VIT: variants seen among roughly 807,000 people sequenced by gnomAD.
The protein encoded by VIT is vitrin.
Under a neutral mutation model 78.0 loss-of-function variants are expected in VIT, and 99 were observed. The observed-to-expected ratio is 1.27, with a 90% CI of 1.08 to 1.50. The LOEUF (loss-of-function observed/expected upper bound fraction) is 1.50, where lower values mean the gene tolerates loss of function less well. Among genes scored for constraint, VIT ranks in the 40% most tolerant of loss-of-function variants. The pLI, the probability that VIT is intolerant of heterozygous loss-of-function variation, is 0.00. For synonymous variants in VIT, 374 were observed against 334.3 expected (o/e 1.12, Z -1.29); for missense variants, 1,126 against 875.3 (o/e 1.29, Z -3.61).
In VIT at chr2:36,787,277, G is replaced by A. The variant is rs1326383374; in HGVS notation, c.1058+1G>A. Reference sequence around the variant, plus strand: ...CACTGATGGGTGTTGTCCAGTATGGGTAAGTGCAGTTAATGTTCTGAATCC... The same window carrying A: ...CACTGATGGGTGTTGTCCAGTATGGATAAGTGCAGTTAATGTTCTGAATCC... On this transcript the variant is annotated splice_donor_variant, in intron 12 of 15. Coordinates refer to ENST00000379242, the MANE Select transcript of VIT (RefSeq NM_053276.4). LOFTEE classifies it high-confidence loss of function. The A allele has an allele frequency of 3.7e-6, 6 of 1,611,664 alleles. 1 individual carries two copies. The highest frequency in any genetic ancestry group is 3.4e-6 in the Non-Finnish European group (4 of 1,178,588).
In VIT at chr2:36,793,286, CAT is replaced by C. The variant is rs562013109; in HGVS notation, c.1058+6012_1058+6013del. Among the ~76,000 whole-genome samples, 647 of 152,134 alleles carry C rather than the reference CAT, an allele frequency of 4.3e-3. 3 individuals are homozygous for C. The highest frequency in any genetic ancestry group is 8.0e-3 in the Non-Finnish European group (546 of 68,014). Reference sequence around the variant, plus strand: ...CTTTTTGGTAGATGAGTGGAATTCTCATAGTTATTGCAGAAAAAAAAACCCCA... The same window carrying C: ...CTTTTTGGTAGATGAGTGGAATTCTCAGTTATTGCAGAAAAAAAAACCCCA... On this transcript the variant is annotated intron_variant, in intron 12 of 15. Coordinates refer to ENST00000379242, the MANE Select transcript of VIT (RefSeq NM_053276.4).
At chr2:36,794,008 T>A (rs1228393363) in intron 12 of VIT, among the ~76,000 whole-genome samples, 1 of 152,214 alleles carries the variant, frequency 6.6e-6, no homozygotes, top group African/African-American at 2.4e-5. Context: ...GTAAGTGCCT[T>A]AGGTGAGTTT....
At chr2:36,706,503 G>T (rs1665430663) in intron 1 of VIT, among the ~76,000 whole-genome samples, 1 of 152,086 alleles carries the variant, frequency 6.6e-6, no homozygotes, top group African/African-American at 2.4e-5. Flanking sequence ...TTCTCCCCCT[G>T]CTCCTCCCAG....
At chr2:36,780,958 C>CA (rs1374987437) in intron 9 of VIT, among the ~76,000 whole-genome samples, 2 of 151,970 alleles carry the variant, frequency 1.3e-5, no homozygotes, top group African/African-American at 2.4e-5. Flanking sequence ...CATGATTTTC[C>CA]AAAAAAGATC....
intron 6 of VIT, among the ~76,000 whole-genome samples, chr2:36,764,731 G>T (rs1169863363): frequency 1.3e-5 from 2 of 152,190 alleles, no homozygotes; most frequent in Non-Finnish European, 2.9e-5. Context: ...TCAGTGCTGT[G>T]ATTCCTGCAA....
At chr2:36,805,905 T>A (rs532114114) in intron 14 of VIT, among the ~76,000 whole-genome samples, 341 of 152,206 alleles carry the variant, frequency 2.2e-3, no homozygotes, top group African/African-American at 7.6e-3. Flanking sequence ...AGGTTCTTCC[T>A]TGCTCCTTCC....
intron 12 of VIT, chr2:36,788,168 G>C (rs954434252): frequency 5.3e-6 from 1 of 188,220 alleles, no homozygotes; most frequent in African/African-American, 2.4e-5. Context: ...GGGTGTGGAA[G>C]GGGTGACGGA....
chr2:36,704,228 A>C (rs12988075), intron 1 of VIT, among the ~76,000 whole-genome samples: 125,178 of 151,996 alleles, frequency 0.82, 52,091 homozygotes, highest in Middle Eastern at 0.93. Flanking sequence ...TCCTGGCCAG[A>C]TTGGGCAGTT....
Position 36,814,458 on chromosome 2 carries a change from T to C in VIT, c.*97T>C. On this transcript the variant is annotated 3_prime_UTR_variant, in exon 16 of 16. Transcript: ENST00000379242. ...GGGGCACGCACGGTGCATCAAGTCTTGGGCAGGGCATGGAGAAACAAATGT... is the reference window on the plus strand; with the variant it reads ...GGGGCACGCACGGTGCATCAAGTCTCGGGCAGGGCATGGAGAAACAAATGT... 1 of 1,416,350 alleles carries C rather than the reference T, an allele frequency of 7.1e-7. No individual in the cohort carries two copies. The highest frequency in any genetic ancestry group is 9.6e-7 in the Non-Finnish European group (1 of 1,044,410). The allele number at this position is 1,416,350 out of a possible 1,614,324, so 87.7% of individuals were successfully genotyped here. A position where few individuals can be genotyped will look rare whatever the true frequency, so the allele number is the denominator to read the frequency against.
chr2:36,781,674 C>T, intron 9 of VIT, 53 bp from the exon 10 acceptor site: 1 of 1,595,110 alleles, frequency 6.3e-7, no homozygotes, highest in Non-Finnish European at 8.6e-7. Context: ...TCAAGAGTTT[C>T]TGCTGGTTTG....
intron 9 of VIT, 108 bp from the exon 10 acceptor site, chr2:36,781,619 A>C (rs997985810): frequency 7.9e-7 from 1 of 1,268,068 alleles, no homozygotes; most frequent in Non-Finnish European, 1.1e-6. Flanking sequence ...TCCTTTATTG[A>C]ACTTTCAGAC....
chr2:36,786,797 G>C (rs1170910643), intron 11 of VIT, among the ~76,000 whole-genome samples: 2 of 152,196 alleles, frequency 1.3e-5, no homozygotes, highest in African/African-American at 4.8e-5. Flanking sequence ...TCTCACAACG[G>C]GGAGTCTGCA....
Position 36,767,114 on chromosome 2 carries a change from C to T in VIT, c.508C>T (p.Gln170Ter), listed in dbSNP as rs1435216779. 1.2e-6 allele frequency: 2 copies of T among 1,603,158 alleles called. No homozygotes were observed. The highest frequency in any genetic ancestry group is 4.5e-5 in the East Asian group (2 of 44,260). The change falls in exon 7 of 16, where the codon CAG becomes TAG. Residue 170 changes from glutamine (Q) to a stop codon, truncating the protein, a stop_gained. Coordinates refer to ENST00000379242, the MANE Select transcript of VIT (RefSeq NM_053276.4). LOFTEE classifies it high-confidence loss of function. The part of the protein sequence containing the change: ...AQAGETTKAY[Q>*]RPPIPGTTAQ... The stretch of plus-strand genomic sequence containing the variant: ...TACAGGTGAGACCACAAAAGCCTAT[C>T]AGAGGCCACCTATTCCAGGGACAAC...
intron 1 of VIT, among the ~76,000 whole-genome samples, chr2:36,713,584 A>G (rs571752461): frequency 1.3e-5 from 2 of 152,324 alleles, no homozygotes; most frequent in South Asian, 4.2e-4. Context: ...GAAGAAGGGA[A>G]CAGCCTAGTT....
At position 36,808,580 on chromosome 2, in the gene VIT, G is replaced by T. The variant is rs1050448848; in HGVS notation, c.1498G>T (p.Ala500Ser). The T allele has an allele frequency of 2.5e-6, 4 of 1,614,154 alleles. No individual in the cohort carries two copies. The highest frequency in any genetic ancestry group is 3.4e-6 in the Non-Finnish European group (4 of 1,180,046). The change falls in exon 15 of 16, where the codon GCC (alanine) becomes TCC (serine). Residue 500 changes from alanine (A) to serine (S), a missense_variant. Physicochemically the swap from Ala to Ser is moderately conservative, Grantham distance 99 (BLOSUM62 1). Coordinates refer to ENST00000379242, the MANE Select transcript of VIT (RefSeq NM_053276.4). ...VKRVCDTDRL[A>S]CSKTCLNSAD... is the part of the protein sequence containing the mutation. ...GCGGGTCTGCGACACTGACCGCCTG[G>T]CCTGCAGCAAGACCTGCTTGAACTC...
intron 1 of VIT, among the ~76,000 whole-genome samples, chr2:36,702,902 C>T (rs190720601): frequency 5.3e-5 from 8 of 152,312 alleles, no homozygotes; most frequent in African/African-American, 2.4e-5. Context: ...CTCCCTCAGC[C>T]CTTGGGCAAC....
chr2:36,783,597 G>A (rs1309971969), intron 11 of VIT, among the ~76,000 whole-genome samples, 195 bp downstream of exon 11: 1 of 152,230 alleles, frequency 6.6e-6, no homozygotes, highest in Non-Finnish European at 1.5e-5. Flanking sequence ...ATGAGGGGGA[G>A]AGGATCAAAA....
chr2:36,776,723 A>G (rs1239643794), intron 9 of VIT, among the ~76,000 whole-genome samples: 1 of 151,986 alleles, frequency 6.6e-6, no homozygotes, highest in African/African-American at 2.4e-5. Flanking sequence ...TAAACCTGGG[A>G]GGCCGAGGGT....
At chr2:36,715,297 T>C (rs1270710244) in intron 1 of VIT, among the ~76,000 whole-genome samples, 1 of 152,110 alleles carries the variant, frequency 6.6e-6, no homozygotes, top group Non-Finnish European at 1.5e-5. Flanking sequence ...TCCAGCACTT[T>C]GGGAGGCCGA....
Sources: gnomAD v4.1 joint callset for allele counts (sites outside exome capture counted in the v4.1 genomes callset) on GRCh38, gnomAD v4.1.1 for gene constraint, MANE v1.5 for transcripts, NCBI Gene and HGNC (gene_info 2026-07-23, HGNC 2026-07-21) for gene names.